The following KHDRBS3 variants were observed in gnomAD, a reference collection of about 807,000 sequenced individuals.
The protein encoded by KHDRBS3 is KH domain-containing, RNA-binding, signal transduction-associated protein 3.
Under a neutral mutation model 45.6 loss-of-function variants are expected in KHDRBS3, and 23 were observed. The ratio of observed to expected loss-of-function variants is 0.50; its 90% confidence interval spans 0.36 to 0.72. The LOEUF is 0.72. KHDRBS3 is among the 30% of genes least tolerant of loss of function. The probability of loss-of-function intolerance (pLI) is 0.00; values close to 1 mark genes in which losing one functional copy is unlikely to be tolerated. For missense variants in KHDRBS3, 352 were observed against 424.8 expected (o/e 0.83, Z 1.51); for synonymous variants, 162 against 156.5 (o/e 1.04, Z -0.26).
chr8:135,586,850 C>T (rs1415163963), intron 6 of KHDRBS3, among the ~76,000 whole-genome samples: 4 of 152,106 alleles, frequency 2.6e-5, no homozygotes, highest in Non-Finnish European at 5.9e-5. Context: ...GAAAAAAGAT[C>T]ACATCAGTGG....
intron 6 of KHDRBS3, among the ~76,000 whole-genome samples, chr8:135,595,980 A>G (rs1031651213): frequency 1.3e-5 from 2 of 152,188 alleles, no homozygotes; most frequent in Non-Finnish European, 2.9e-5. Flanking sequence ...GTCAACAAAT[A>G]AACCAAAAAA....
intron 6 of KHDRBS3, among the ~76,000 whole-genome samples, chr8:135,602,355 C>T (rs189340019): frequency 5.9e-5 from 9 of 152,282 alleles, no homozygotes; most frequent in Admixed American, 5.9e-4. Flanking sequence ...ATGGCCAAAT[C>T]GAACTGTGAA....
chr8:135,534,931 A>C (rs1370226312), intron 2 of KHDRBS3, among the ~76,000 whole-genome samples: 1 of 152,186 alleles, frequency 6.6e-6, no homozygotes, highest in Non-Finnish European at 1.5e-5. Flanking sequence ...GGTGAAGAAG[A>C]GTCAGGCAAA....
chr8:135,494,523 C>T (rs1823335050), intron 1 of KHDRBS3, among the ~76,000 whole-genome samples: 1 of 152,070 alleles, frequency 6.6e-6, no homozygotes, highest in Middle Eastern at 3.2e-3. Flanking sequence ...CGTGATCCAC[C>T]CACCTCGGCC....
At chr8:135,511,529 C>G (rs1183936487) in intron 1 of KHDRBS3, among the ~76,000 whole-genome samples, 1 of 151,210 alleles carries the variant, frequency 6.6e-6, no homozygotes, top group Non-Finnish European at 1.5e-5. Flanking sequence ...CAAATATTTG[C>G]TCTGTTTTTT....
intron 2 of KHDRBS3, chr8:135,539,664 T>C (rs981452503): frequency 6.6e-6 from 1 of 152,224 alleles, no homozygotes; most frequent in African/African-American, 2.4e-5. Flanking sequence ...CAGTAGGTAA[T>C]ATGGTCTGTG....
chr8:135,553,089 G>C (rs1270743086), intron 4 of KHDRBS3, among the ~76,000 whole-genome samples: 1 of 152,128 alleles, frequency 6.6e-6, no homozygotes, highest in African/African-American at 2.4e-5. Context: ...TGTGTGGCGA[G>C]CTTTTCAAGA....
At chr8:135,557,625 C>T in intron 5 of KHDRBS3, 38 bp downstream of exon 5, 1 of 1,532,964 alleles carries the variant, frequency 6.5e-7, no homozygotes, top group Non-Finnish European at 9.0e-7. Context: ...CATACCGTGG[C>T]AGCAGTTTTA....
chr8:135,469,439 C>CA (rs1164386724), intron 1 of KHDRBS3, among the ~76,000 whole-genome samples: 1 of 150,804 alleles, frequency 6.6e-6, no homozygotes, highest in African/African-American at 2.4e-5. Context: ...AGGCGCCCGC[C>CA]ACCACGCCAG....
At chr8:135,564,885 A>T (rs752375133) in intron 5 of KHDRBS3, among the ~76,000 whole-genome samples, 16 of 152,130 alleles carry the variant, frequency 1.1e-4, no homozygotes, top group Non-Finnish European at 1.8e-4. Context: ...CTGGCTGCTC[A>T]CTGCTCAAAA....
At chr8:135,605,777 A>G (rs58969006) in intron 6 of KHDRBS3, among the ~76,000 whole-genome samples, 12,940 of 152,250 alleles carry the variant, frequency 0.085, 960 homozygotes, top group African/African-American at 0.2. Flanking sequence ...TCAAGTGTCA[A>G]CTGTATTGAA....
intron 2 of KHDRBS3, among the ~76,000 whole-genome samples, chr8:135,531,423 CAAAA>C (rs11381875): frequency 6.6e-6 from 1 of 151,332 alleles, no homozygotes; most frequent in Admixed American, 6.6e-5. Context: ...TCTGCAACAA[CAAAA>C]AAAATCAATA....
downstream of KHDRBS3, among the ~76,000 whole-genome samples, chr8:135,652,250 C>T (rs1177662675): frequency 6.6e-6 from 1 of 152,198 alleles, no homozygotes; most frequent in Non-Finnish European, 1.5e-5. Flanking sequence ...ATTTCACCCT[C>T]CCTTATCGAT....
chr8:135,486,585 T>G (rs1158105286), intron 1 of KHDRBS3, among the ~76,000 whole-genome samples: 1 of 152,256 alleles, frequency 6.6e-6, no homozygotes, highest in African/African-American at 2.4e-5. Flanking sequence ...GTGGAAGAAC[T>G]ATTTTCAATC....
chr8:135,607,391 C>T (rs753770126), intron 7 of KHDRBS3, among the ~76,000 whole-genome samples: 7 of 152,082 alleles, frequency 4.6e-5, no homozygotes, highest in Non-Finnish European at 8.8e-5. Flanking sequence ...ATTGTCAGTG[C>T]CTGGAGAAGA....
At chr8:135,566,932 T>C (rs1827449074) in intron 5 of KHDRBS3, among the ~76,000 whole-genome samples, 2 of 152,148 alleles carry the variant, frequency 1.3e-5, no homozygotes, top group Non-Finnish European at 2.9e-5. Flanking sequence ...GGTAGAGCAA[T>C]AAACAGTTAA....
chr8:135,460,118 G>T (rs55885641), intron 1 of KHDRBS3, among the ~76,000 whole-genome samples: 2,026 of 152,332 alleles, frequency 0.013, 40 homozygotes, highest in African/African-American at 0.047. Context: ...GAAGCTACAT[G>T]ATTGTGAGGA....
rs139332879 is a variant in KHDRBS3, at chr8:135,595,196, G to T, written c.808-11759G>T. Among the ~76,000 whole-genome samples, 206 of 152,180 alleles carry T rather than the reference G, an allele frequency of 1.4e-3. 4 individuals carry two copies. In the East Asian group the frequency reaches 0.036, roughly 27 times the overall value. ...AGAGTCAGGATGGTGGTTACTTTTG[G>T]GGCAAGACGGTGATTCAGAGGGAAC... is the stretch of plus-strand genomic sequence containing the variant. On this transcript the variant is annotated intron_variant, in intron 6 of 8. Transcript: ENST00000355849.
At chr8:135,534,269 A>C (rs559675533) in intron 2 of KHDRBS3, among the ~76,000 whole-genome samples, 1 of 152,160 alleles carries the variant, frequency 6.6e-6, no homozygotes, top group East Asian at 1.9e-4. Flanking sequence ...CTCAATTACA[A>C]GTCCTTGTTG....
Sources: gnomAD v4.1 joint callset for allele counts (sites outside exome capture counted in the v4.1 genomes callset) on GRCh38, gnomAD v4.1.1 for gene constraint, MANE v1.5 for transcripts, NCBI Gene and HGNC (gene_info 2026-07-23, HGNC 2026-07-21) for gene names.